PLA2G4A: variants seen among roughly 807,000 people sequenced by gnomAD.
The protein encoded by PLA2G4A is cytosolic phospholipase A2.
PLA2G4A carries 40 observed loss-of-function variants against 81.9 expected under a neutral mutation model. The ratio of observed to expected loss-of-function variants is 0.49; its 90% confidence interval spans 0.38 to 0.64. The LOEUF (loss-of-function observed/expected upper bound fraction) is 0.64. PLA2G4A is among the 30% of genes least tolerant of loss of function. The probability of loss-of-function intolerance (pLI) is 0.00; values close to 1 mark genes in which losing one functional copy is unlikely to be tolerated. For synonymous variants in PLA2G4A, 302 were observed against 296.9 expected (o/e 1.02, Z -0.18); for missense variants, 715 against 905.1 (o/e 0.79, Z 2.69).
At chr1:186,868,071 C>CTTTTTTTTTTTTTTTTTTTTTTTTTT (rs59978011) in intron 2 of PLA2G4A, among the ~76,000 whole-genome samples, 3 of 112,926 alleles carry the variant, frequency 2.7e-5, no homozygotes, top group African/African-American at 7.6e-5. Flanking sequence ...GTGTATAATT[C>CTTTTTTTTTTTTTTTTTTTTTTTTTT]TTTTTTTTTT....
chr1:186,952,265 G>A (rs1208794582), intron 13 of PLA2G4A, among the ~76,000 whole-genome samples: 2 of 152,192 alleles, frequency 1.3e-5, no homozygotes, highest in Admixed American at 6.5e-5. Flanking sequence ...TACTAGCTGA[G>A]TCTTAAGGCT....
intron 3 of PLA2G4A, among the ~76,000 whole-genome samples, chr1:186,890,851 C>A (rs79687659): frequency 3.8e-4 from 50 of 130,646 alleles, no homozygotes; most frequent in Admixed American, 6.9e-4. Flanking sequence ...GACTCTGTCT[C>A]AAAAAAAAAA....
intron 7 of PLA2G4A, among the ~76,000 whole-genome samples, chr1:186,926,695 T>C (rs1655561306): frequency 6.6e-6 from 1 of 152,212 alleles, no homozygotes; most frequent in Non-Finnish European, 1.5e-5. Context: ...TTGAATTAAA[T>C]GTTGAATGAA....
chr1:186,839,117 T>C (rs1459754121), intron 1 of PLA2G4A, among the ~76,000 whole-genome samples: 2 of 152,210 alleles, frequency 1.3e-5, no homozygotes, highest in Non-Finnish European at 2.9e-5. Flanking sequence ...ATAAATCCTC[T>C]TCACATAAAA....
chr1:186,835,488 A>G (rs1651746345), intron 1 of PLA2G4A, among the ~76,000 whole-genome samples: 1 of 152,224 alleles, frequency 6.6e-6, no homozygotes, highest in Non-Finnish European at 1.5e-5. Flanking sequence ...AAAGATGCAC[A>G]CAGTTATGGG....
intron 15 of PLA2G4A, among the ~76,000 whole-genome samples, chr1:186,973,170 T>C (rs1361254754): frequency 6.6e-6 from 1 of 152,130 alleles, no homozygotes; most frequent in Non-Finnish European, 1.5e-5. Context: ...TCTCTCACAG[T>C]TTCGGAGGGC....
rs781515658 is a variant in PLA2G4A at position 186,946,727 on chromosome 1, G to C, written c.1124G>C (p.Gly375Ala). The C allele has an allele frequency of 3.1e-6, 5 of 1,612,078 alleles. No homozygotes were observed. Among genetic ancestry groups the C allele is most frequent in the African/African-American group, 1.3e-5 (1 of 74,834 alleles). The change falls in exon 11 of 18, where the codon GGA (glycine) becomes GCA (alanine). Residue 375 changes from glycine (G) to alanine (A), a missense_variant. Coordinates refer to ENST00000367466, the MANE Select transcript of PLA2G4A (RefSeq NM_024420.3). ...PDLFGSKFFM[G>A]TVVKKYEENP... is the part of the protein sequence containing the mutation. The stretch of plus-strand genomic sequence containing the variant: ...TTATTTGGAAGCAAATTTTTTATGG[G>C]AACAGTCGTTAAGAAGTATGAAGAA...
chr1:186,965,649 T>C (rs1657103685), intron 15 of PLA2G4A, 56 bp downstream of exon 15: 4 of 1,190,286 alleles, frequency 3.4e-6, no homozygotes, highest in Admixed American at 3.4e-5. Flanking sequence ...GCTTGCCTTA[T>C]AGATCTCTTA....
chr1:186,987,520 G>T (rs900424457), intron 17 of PLA2G4A, among the ~76,000 whole-genome samples: 1 of 152,214 alleles, frequency 6.6e-6, no homozygotes, highest in Non-Finnish European at 1.5e-5. Flanking sequence ...AATGAGGACT[G>T]TCCTGGGAAA....
intron 3 of PLA2G4A, among the ~76,000 whole-genome samples, chr1:186,882,544 G>T (rs112269816): frequency 6.6e-6 from 1 of 151,490 alleles, no homozygotes; most frequent in Non-Finnish European, 1.5e-5. Flanking sequence ...CCTCTTTGCC[G>T]TAGAGTGATA....
intron 1 of PLA2G4A, among the ~76,000 whole-genome samples, chr1:186,848,140 A>T (rs1652252075): frequency 6.6e-6 from 1 of 152,132 alleles, no homozygotes; most frequent in Admixed American, 6.6e-5. Context: ...TGGAGTAGAG[A>T]TGCGTTTGTG....
chr1:186,830,991 TTTC>T (rs1257769473), intron 1 of PLA2G4A, among the ~76,000 whole-genome samples: 1 of 149,046 alleles, frequency 6.7e-6, no homozygotes, highest in African/African-American at 2.5e-5. Context: ...TCTTTCTTTC[TTTC>T]TTTCTTTCTT....
chr1:186,881,549 C>T (rs12720525), intron 3 of PLA2G4A, among the ~76,000 whole-genome samples: 2 of 152,064 alleles, frequency 1.3e-5, no homozygotes, highest in Non-Finnish European at 2.9e-5. Context: ...CTGGAGGGAG[C>T]AGGGGCTGCT....
At chr1:186,962,670 G>A (rs768803439) in intron 14 of PLA2G4A, among the ~76,000 whole-genome samples, 10 of 151,980 alleles carry the variant, frequency 6.6e-5, no homozygotes, top group Admixed American at 1.3e-4. Flanking sequence ...ACAGGCGCCC[G>A]CCACCGCGCC....
In PLA2G4A at chr1:186,864,645, G is replaced by GATTATTATTATT. The variant is rs75963523; in HGVS notation, c.34-5774_34-5763dup. On this transcript the variant is annotated intron_variant, in intron 2 of 17. Coordinates refer to ENST00000367466, the MANE Select transcript of PLA2G4A (RefSeq NM_024420.3). ...AGTCTTTTACTTGTTTTAAAAATCA[G>GATTATTATTATT]ATTATTATTATTATTATTATTATTA... Among the ~76,000 whole-genome samples the GATTATTATTATT allele has an allele frequency of 3.6e-3, 534 of 147,154 alleles. 3 individuals carry two copies. Among genetic ancestry groups the GATTATTATTATT allele is most frequent in the South Asian group, 7.1e-3 (33 of 4,674 alleles).
chr1:186,988,350 T>C, intron 17 of PLA2G4A, 27 bp from the exon 18 acceptor site: 1 of 1,589,936 alleles, frequency 6.3e-7, no homozygotes, highest in Non-Finnish European at 8.6e-7. Flanking sequence ...GCAGCGCTAA[T>C]TATACAACTT....
At chr1:186,921,587 C>T (rs111941269) in intron 7 of PLA2G4A, among the ~76,000 whole-genome samples, 61 of 152,210 alleles carry the variant, frequency 4.0e-4, no homozygotes, top group African/African-American at 1.4e-3. Context: ...TCTCCTGTGG[C>T]TTCACTTCCT....
At chr1:186,912,410 A>G (rs1455112506) in intron 7 of PLA2G4A, among the ~76,000 whole-genome samples, 1 of 152,114 alleles carries the variant, frequency 6.6e-6, no homozygotes, top group Admixed American at 6.5e-5. Flanking sequence ...CCACCATTAT[A>G]GTATCATACA....
At chr1:186,923,588 A>C (rs1655440344) in intron 7 of PLA2G4A, among the ~76,000 whole-genome samples, 1 of 152,244 alleles carries the variant, frequency 6.6e-6, no homozygotes, top group South Asian at 2.1e-4. Context: ...ATGATGTGTT[A>C]AGTTCTTAAT....
Sources: allele counts gnomAD v4.1 joint callset (sites outside exome capture counted in the v4.1 genomes callset), GRCh38; gene constraint gnomAD v4.1.1; transcripts MANE v1.5; gene names NCBI Gene and HGNC (gene_info 2026-07-23, HGNC 2026-07-21).